Variants in UVRAG observed in about 807,000 individuals in gnomAD.
The protein encoded by UVRAG is UV radiation resistance associated, also known as UV radiation resistance-associated gene protein.
In UVRAG, 19 loss-of-function variants were observed where a neutral mutation model predicts 78.0. The ratio of observed to expected loss-of-function variants is 0.24; its 90% CI spans 0.17 to 0.36. The LOEUF is 0.36. Ranked by LOEUF, UVRAG falls within the 10% of genes least tolerant of loss-of-function variation. The pLI is 1.00. For missense variants in UVRAG, 740 were observed against 853.8 expected, an observed-to-expected ratio of 0.87 and a Z score of 1.66; for synonymous variants, 323 against 324.6, an observed-to-expected ratio of 1.00 and a Z score of 0.05.
intron 9 of UVRAG, among the ~76,000 whole-genome samples, chr11:76,006,554 G>T (rs1949943783): frequency 6.6e-6 from 1 of 150,516 alleles, no homozygotes; most frequent in Admixed American, 6.7e-5. Flanking sequence ...CAGCTTCTCA[G>T]GAAGCTGAGG....
chr11:75,874,737 T>C (rs1420101779), intron 3 of UVRAG, among the ~76,000 whole-genome samples: 2 of 152,242 alleles, frequency 1.3e-5, no homozygotes, highest in Admixed American at 1.3e-4. Flanking sequence ...ATTAGTTTTT[T>C]ATTACTATTC....
intron 12 of UVRAG, among the ~76,000 whole-genome samples, chr11:76,024,555 T>C (rs1199619872): frequency 6.6e-6 from 1 of 152,188 alleles, no homozygotes; most frequent in Non-Finnish European, 1.5e-5. Context: ...TTATAATTAA[T>C]GGGCATGTCA....
At chr11:76,074,442 A>T (rs1163496002) in intron 13 of UVRAG, among the ~76,000 whole-genome samples, 1 of 152,240 alleles carries the variant, frequency 6.6e-6, no homozygotes, top group African/African-American at 2.4e-5. Context: ...TTTGTAAGCC[A>T]GGCCTCTTCT....
intron 3 of UVRAG, among the ~76,000 whole-genome samples, chr11:75,866,932 G>A (rs1331333527): frequency 2.0e-5 from 3 of 152,170 alleles, no homozygotes; most frequent in Non-Finnish European, 4.4e-5. Flanking sequence ...TTACTAACCT[G>A]TTGTTACTTT....
At chr11:76,097,950 T>G (rs918299653) in intron 13 of UVRAG, among the ~76,000 whole-genome samples, 8 of 152,208 alleles carry the variant, frequency 5.3e-5, no homozygotes, top group Non-Finnish European at 1.2e-4. Flanking sequence ...CTATCCATTT[T>G]CTAACCCTAT....
intron 14 of UVRAG, chr11:76,137,670 A>G: frequency 2.8e-6 from 1 of 354,630 alleles, no homozygotes; most frequent in Non-Finnish European, 5.5e-6. Context: ...AGGCCAAGGC[A>G]AGAGGATCAC....
chr11:75,828,709 ATGTG>A (rs1258325216), intron 1 of UVRAG, among the ~76,000 whole-genome samples: 3 of 107,088 alleles, frequency 2.8e-5, no homozygotes, highest in East Asian at 2.3e-4. Context: ...ATATATATAT[ATGTG>A]TATATATATG....
intron 6 of UVRAG, among the ~76,000 whole-genome samples, chr11:75,950,615 G>A (rs1049550279): frequency 2.6e-5 from 4 of 152,042 alleles, no homozygotes; most frequent in Non-Finnish European, 5.9e-5. Flanking sequence ...AACTTATTAG[G>A]TATTGCCACA....
chr11:76,105,594 C>A (rs183427130), intron 13 of UVRAG, among the ~76,000 whole-genome samples: 15,270 of 151,526 alleles, frequency 0.1, 1,759 homozygotes, highest in African/African-American at 0.29. Flanking sequence ...CAAAAAAATA[C>A]AAAAACTTAG....
intron 1 of UVRAG, among the ~76,000 whole-genome samples, chr11:75,817,851 C>G (rs1258476129): frequency 6.7e-6 from 1 of 150,126 alleles, no homozygotes; most frequent in South Asian, 2.1e-4. Flanking sequence ...CAAGACCAGC[C>G]TGGCCAACAT....
intron 13 of UVRAG, 46 bp from the exon 14 acceptor site, chr11:76,115,878 T>G (rs752068134): frequency 4.4e-6 from 7 of 1,585,066 alleles, no homozygotes; most frequent in Non-Finnish European, 6.1e-6. Context: ...TTCCGAAGCT[T>G]ATAATCTGCC....
At chr11:75,900,348 G>A (rs1217884146) in intron 5 of UVRAG, among the ~76,000 whole-genome samples, 1 of 152,140 alleles carries the variant, frequency 6.6e-6, no homozygotes, top group Non-Finnish European at 1.5e-5. Context: ...TGTTTCAACT[G>A]TTGTACAAAG....
chr11:75,826,046 A>T (rs535107036), intron 1 of UVRAG, among the ~76,000 whole-genome samples: 2 of 152,250 alleles, frequency 1.3e-5, no homozygotes, highest in South Asian at 4.2e-4. Flanking sequence ...CACGTTGGCC[A>T]GGCTGGTCTC....
chr11:75,956,815 T>A (rs1948808084), intron 6 of UVRAG, among the ~76,000 whole-genome samples: 1 of 152,186 alleles, frequency 6.6e-6, no homozygotes, highest in South Asian at 2.1e-4. Context: ...GATTTTAATA[T>A]GCGTTTCCCT....
intron 5 of UVRAG, among the ~76,000 whole-genome samples, chr11:75,899,113 C>T (rs1002880267): frequency 6.6e-6 from 1 of 152,066 alleles, no homozygotes; most frequent in Non-Finnish European, 1.5e-5. Context: ...TTCCTTTCCC[C>T]TGCCTTACAA....
chr11:75,881,958 T>G (rs961765700), intron 4 of UVRAG, among the ~76,000 whole-genome samples: 1 of 152,140 alleles, frequency 6.6e-6, no homozygotes, highest in Non-Finnish European at 1.5e-5. Flanking sequence ...GCCTGGCTGA[T>G]TTAAAAATTC....
In UVRAG at chr11:75,815,299, C is replaced by T. The variant is rs1730717944; in HGVS notation, c.-109C>T. Reference sequence around the variant, plus strand: ...CTGTCTGGGCTGAGCAGTAGTGCCTCTCGGGTGGCGGGTTTCTAGGCTGCA... The same window carrying T: ...CTGTCTGGGCTGAGCAGTAGTGCCTTTCGGGTGGCGGGTTTCTAGGCTGCA... On this transcript the variant is annotated 5_prime_UTR_variant, in exon 1 of 15. Transcript: ENST00000356136. The T allele has an allele frequency of 3.6e-6, 2 of 559,820 alleles. No homozygotes were observed. The highest frequency in any genetic ancestry group is 4.1e-4 in the Middle Eastern group (1 of 2,448). The allele number at this position is 559,820 out of a possible 1,614,324, so 34.7% of individuals were successfully genotyped here.
intron 13 of UVRAG, among the ~76,000 whole-genome samples, chr11:76,109,417 T>C (rs1035044699): frequency 1.3e-5 from 2 of 152,244 alleles, no homozygotes; most frequent in African/African-American, 4.8e-5. Flanking sequence ...TCAGCAGTTA[T>C]AATGACTACC....
intron 13 of UVRAG, among the ~76,000 whole-genome samples, chr11:76,071,877 G>A (rs1951317106): frequency 6.6e-6 from 1 of 152,160 alleles, no homozygotes; most frequent in Admixed American, 6.5e-5. Flanking sequence ...TTATTGAGAT[G>A]GAGAAAGATC....
Sources: allele counts gnomAD v4.1 joint callset (sites outside exome capture counted in the v4.1 genomes callset), GRCh38; gene constraint gnomAD v4.1.1; transcripts MANE v1.5; gene names NCBI Gene and HGNC (gene_info 2026-07-23, HGNC 2026-07-21).